PDSS2: variants seen among roughly 807,000 people sequenced by gnomAD.
PDSS2 encodes the protein decaprenyl diphosphate synthase subunit 2.
PDSS2 carries 31 observed loss-of-function variants against 44.5 expected under a neutral mutation model. That is an observed-to-expected ratio of 0.70 (90% CI 0.52 to 0.94). The LOEUF (loss-of-function observed/expected upper bound fraction) is 0.94, where lower values mean the gene tolerates loss of function less well. PDSS2 is among the 40% of genes least tolerant of loss of function. PDSS2 has a pLI of 0.00. For synonymous variants in PDSS2, 157 were observed against 180.3 expected, an observed-to-expected ratio of 0.87 and a Z score of 1.03; for missense variants, 452 against 482.2, an observed-to-expected ratio of 0.94 and a Z score of 0.59.
At chr6:107,236,217 C>T (rs1774217168) in intron 4 of PDSS2, among the ~76,000 whole-genome samples, 1 of 152,102 alleles carries the variant, frequency 6.6e-6, no homozygotes, top group African/African-American at 2.4e-5. Context: ...GACAATGAAG[C>T]AACATCTTTA....
intron 7 of PDSS2, among the ~76,000 whole-genome samples, chr6:107,181,569 TAAGAAAAAAAA>T (rs1771982715): frequency 7.9e-6 from 1 of 125,800 alleles, no homozygotes; most frequent in African/African-American, 3.0e-5. Flanking sequence ...GAAAAAGAAA[TAAGAAAAAAAA>T]AAGAAAGAAA....
intron 2 of PDSS2, among the ~76,000 whole-genome samples, chr6:107,330,188 A>G (rs1777669946): frequency 6.6e-6 from 1 of 152,156 alleles, no homozygotes; most frequent in African/African-American, 2.4e-5. Context: ...TGAATGGGTC[A>G]CTTCCCAGAT....
At chr6:107,329,603 T>G (rs1777651013) in intron 2 of PDSS2, among the ~76,000 whole-genome samples, 2 of 152,186 alleles carry the variant, frequency 1.3e-5, no homozygotes, top group Admixed American at 6.5e-5. Flanking sequence ...TTGACTTGAT[T>G]AGCTCTGTAA....
chr6:107,261,574 CTTTCTT>C (rs1257146964), intron 3 of PDSS2, among the ~76,000 whole-genome samples: 1 of 90,900 alleles, frequency 1.1e-5, no homozygotes, highest in Admixed American at 1.2e-4. Context: ...TATTTCTTTT[CTTTCTT>C]TTTTTTTTTT....
intron 1 of PDSS2, among the ~76,000 whole-genome samples, chr6:107,381,678 T>C (rs1027551902): frequency 1.3e-5 from 2 of 152,208 alleles, no homozygotes; most frequent in Non-Finnish European, 2.9e-5. Flanking sequence ...GAAATAACTT[T>C]TGCAGCTGAA....
intron 3 of PDSS2, among the ~76,000 whole-genome samples, chr6:107,251,306 T>C (rs1274040777): frequency 1.3e-5 from 2 of 152,346 alleles, no homozygotes; most frequent in African/African-American, 2.4e-5. Context: ...GCTTGGTATA[T>C]AAAAACTGTG....
rs373915782 is a variant in PDSS2 at position 107,213,459 on chromosome 6, T to C, written c.703-1177A>G. 1.8e-4 allele frequency among the ~76,000 whole-genome samples: 28 copies of C among 151,450 alleles called. No homozygotes were observed. The East Asian group carries it at 5.2e-3, about 28-fold the overall frequency. On this transcript the variant is annotated intron_variant, in intron 4 of 7. Coordinates refer to ENST00000369037, the MANE Select transcript of PDSS2 (RefSeq NM_020381.4). ...GTCACTGCGCCCAGTTTACCCTCTA[T>C]CTTAAAAAAAGAAAAAGAAGGGTGG... is the stretch of plus-strand genomic sequence containing the variant.
intron 4 of PDSS2, among the ~76,000 whole-genome samples, chr6:107,221,550 T>A (rs1262468536): frequency 6.6e-6 from 1 of 152,090 alleles, no homozygotes; most frequent in African/African-American, 2.4e-5. Context: ...TAATTTTTTT[T>A]AAATGTAGGT....
chr6:107,402,328 C>A (rs1410031378), intron 1 of PDSS2, among the ~76,000 whole-genome samples: 1 of 148,002 alleles, frequency 6.8e-6, no homozygotes, highest in Non-Finnish European at 1.5e-5. Context: ...AAAGAATGGA[C>A]AAAGCCTTCA....
chr6:107,405,876 T>C (rs319057), intron 1 of PDSS2, among the ~76,000 whole-genome samples: 56,722 of 148,494 alleles, frequency 0.38, 13,161 homozygotes, highest in Middle Eastern at 0.64. Context: ...AGATACAGAA[T>C]GGTGGAATAG....
chr6:107,402,533 T>TTTTA (rs767244108), intron 1 of PDSS2, among the ~76,000 whole-genome samples: 5 of 63,816 alleles, frequency 7.8e-5, no homozygotes, highest in Non-Finnish European at 1.8e-4. Flanking sequence ...TACATACATT[T>TTTTA]TATATATATA....
At chr6:107,429,554 G>C (rs1233465049) in intron 1 of PDSS2, among the ~76,000 whole-genome samples, 1 of 152,016 alleles carries the variant, frequency 6.6e-6, no homozygotes, top group African/African-American at 2.4e-5. Flanking sequence ...AGTAGCAGCA[G>C]TGGGTACATA....
At chr6:107,259,453 A>C (rs1351616958) in intron 3 of PDSS2, among the ~76,000 whole-genome samples, 8 of 152,130 alleles carry the variant, frequency 5.3e-5, no homozygotes, top group Non-Finnish European at 1.2e-4. Context: ...ACCTGAGGTC[A>C]GGAGTTCAAG....
At chr6:107,288,223 C>T (rs545621030) in intron 2 of PDSS2, among the ~76,000 whole-genome samples, 20 of 152,218 alleles carry the variant, frequency 1.3e-4, no homozygotes, top group African/African-American at 4.3e-4. Flanking sequence ...GCTAAATGTC[C>T]ATTAATGTAG....
At chr6:107,314,688 C>T (rs1777147660) in intron 2 of PDSS2, among the ~76,000 whole-genome samples, 1 of 152,150 alleles carries the variant, frequency 6.6e-6, no homozygotes, top group Non-Finnish European at 1.5e-5. Context: ...AAGGATCTGC[C>T]CCCACAAGCA....
At chr6:107,248,442 A>G (rs1191703299) in intron 3 of PDSS2, among the ~76,000 whole-genome samples, 2 of 141,946 alleles carry the variant, frequency 1.4e-5, no homozygotes, top group Admixed American at 7.0e-5. Flanking sequence ...CTAGGGGAAG[A>G]AAAAAAAAAA....
chr6:107,444,072 A>C (rs1781591279), intron 1 of PDSS2, among the ~76,000 whole-genome samples: 1 of 152,220 alleles, frequency 6.6e-6, no homozygotes, highest in South Asian at 2.1e-4. Context: ...TCTGTCGCCC[A>C]GGCTGGAGTG....
chr6:107,424,073 A>C (rs1583066314), intron 1 of PDSS2, among the ~76,000 whole-genome samples: 2 of 114,246 alleles, frequency 1.8e-5, no homozygotes, highest in Non-Finnish European at 3.3e-5. Flanking sequence ...ACAGGGTCTC[A>C]CTCTGTCACC....
chr6:107,364,036 C>T (rs1163094226), intron 1 of PDSS2, among the ~76,000 whole-genome samples: 1 of 152,160 alleles, frequency 6.6e-6, no homozygotes, highest in East Asian at 1.9e-4. Flanking sequence ...ACGTCCTCAC[C>T]AGAGCAGCTA....
Sources: gnomAD v4.1 joint callset for allele counts (sites outside exome capture counted in the v4.1 genomes callset) on GRCh38, gnomAD v4.1.1 for gene constraint, MANE v1.5 for transcripts, NCBI Gene and HGNC (gene_info 2026-07-23, HGNC 2026-07-21) for gene names.